The following POLR1D variants were observed in gnomAD, a reference collection of about 807,000 sequenced individuals.
The protein encoded by POLR1D is RNA polymerase I and III subunit D.
Under a neutral mutation model 10.8 loss-of-function variants are expected in POLR1D, and 8 were observed. That is an observed-to-expected ratio of 0.74 (90% confidence interval 0.43 to 1.33). POLR1D has a LOEUF of 1.33. Among genes scored for constraint, POLR1D ranks in the 40% most tolerant of loss-of-function variants. The pLI is 0.01. For synonymous variants in POLR1D, 54 were observed against 57.2 expected (o/e 0.94, Z 0.25); for missense variants, 152 against 161.7 (o/e 0.94, Z 0.32).
chr13:27,639,558 G>A (rs1956156807), intron 1 of POLR1D, among the ~76,000 whole-genome samples: 1 of 152,174 alleles, frequency 6.6e-6, no homozygotes. Context: ...TGTATTTTCT[G>A]TATCAGGATT....
chr13:27,644,805 T>C (rs558231463), intron 1 of POLR1D, among the ~76,000 whole-genome samples: 27 of 152,366 alleles, frequency 1.8e-4, no homozygotes, highest in African/African-American at 6.0e-4. Context: ...TTACAGTTTA[T>C]ACTTCTTTCA....
At position 27,623,268 on chromosome 13, in the gene POLR1D, AAGG is replaced by A. The variant is rs1955971727; in HGVS notation, c.*21_*23del. The A allele has an allele frequency of 3.1e-6, 5 of 1,612,998 alleles. No homozygotes were observed. In the African/African-American group the frequency reaches 5.3e-5, roughly 17 times the overall value. On this transcript the variant is annotated 3_prime_UTR_variant, in exon 2 of 2. Transcript: ENST00000302979. ...CATTCTAGTCCTTTATGCAGTATAC[AAGG>A]AGAACTGTCCTGTAGGATATTCTCT...
At chr13:27,655,288 G>A (rs142901507) in intron 2 of POLR1D, among the ~76,000 whole-genome samples, 1 of 152,298 alleles carries the variant, frequency 6.6e-6, no homozygotes, top group East Asian at 1.9e-4. Flanking sequence ...TGAACCATGT[G>A]AAAATTAATT....
At chr13:27,638,945 G>T (rs1047633011) in intron 1 of POLR1D, among the ~76,000 whole-genome samples, 1 of 151,684 alleles carries the variant, frequency 6.6e-6, no homozygotes, top group Non-Finnish European at 1.5e-5. Context: ...ATGTTGTAAT[G>T]TTTTCTTTTG....
downstream of POLR1D, among the ~76,000 whole-genome samples, chr13:27,625,835 G>A (rs908940323): frequency 4.6e-5 from 7 of 152,134 alleles, no homozygotes; most frequent in Non-Finnish European, 7.4e-5. Context: ...GTTTCAAATA[G>A]GGAATAGAAA....
downstream of POLR1D, among the ~76,000 whole-genome samples, chr13:27,627,091 C>A (rs1468143657): frequency 6.6e-6 from 1 of 152,144 alleles, no homozygotes; most frequent in Non-Finnish European, 1.5e-5. Context: ...TTTTGGTTAG[C>A]GTAATTTAGA....
At chr13:27,651,071 C>G (rs1402156099) in intron 2 of POLR1D, 1 of 152,152 alleles carries the variant, frequency 6.6e-6, no homozygotes, top group Non-Finnish European at 1.5e-5. Context: ...CCTTATACCA[C>G]AGAAAGATGC....
chr13:27,663,093 G>A lies in POLR1D; in HGVS notation c.102-2593G>A, dbSNP rs1400464407. Among the ~76,000 whole-genome samples the A allele has an allele frequency of 2.0e-5, 3 of 152,172 alleles. No homozygotes were observed. The highest frequency in any genetic ancestry group is 4.4e-5 in the Non-Finnish European group (3 of 68,026). ...CTCCCCACTGATTCCCTCAGACATT[G>A]GTTTTGATGTTGCCGTCCTTAGACT... On this transcript the variant is annotated intron_variant, in intron 2 of 2. Transcript: ENST00000399697. The surrounding 1 kb of genome is among the most constrained non-coding windows in gnomAD (Gnocchi z 4.1).
At chr13:27,647,448 C>T (rs1461110912) in intron 1 of POLR1D, among the ~76,000 whole-genome samples, 2 of 151,970 alleles carry the variant, frequency 1.3e-5, no homozygotes, top group African/African-American at 4.8e-5. Context: ...GTCTCAAACT[C>T]CTGGCTTCAG....
intron 2 of POLR1D, among the ~76,000 whole-genome samples, chr13:27,662,272 T>C (rs752563066): frequency 6.6e-6 from 1 of 152,198 alleles, no homozygotes; most frequent in Non-Finnish European, 1.5e-5. Context: ...ACCATCCTTT[T>C]TCTAAAACCT....
downstream of POLR1D, among the ~76,000 whole-genome samples, chr13:27,625,270 G>A (rs9507914): frequency 3.9e-5 from 6 of 152,098 alleles, no homozygotes; most frequent in African/African-American, 7.2e-5. Flanking sequence ...ATTACAGAGT[G>A]GGGGGAGATG....
intron 1 of POLR1D, among the ~76,000 whole-genome samples, chr13:27,628,774 T>C (rs1956043448): frequency 6.6e-6 from 1 of 152,184 alleles, no homozygotes; most frequent in African/African-American, 2.4e-5. Flanking sequence ...TTGTTTTCGA[T>C]TGGCTGATAC....
intron 2 of POLR1D, among the ~76,000 whole-genome samples, chr13:27,653,280 A>G (rs1378467995): frequency 6.6e-6 from 1 of 152,014 alleles, no homozygotes; most frequent in Non-Finnish European, 1.5e-5. Flanking sequence ...CAGAAATTTC[A>G]TCTTTTTTTT....
downstream of POLR1D, among the ~76,000 whole-genome samples, chr13:27,627,684 G>GAGCT (rs542484631): frequency 1.9e-4 from 28 of 150,474 alleles, 1 homozygote; most frequent in South Asian, 5.9e-3. Context: ...CAGTGTAAGA[G>GAGCT]AGCTGTTAAA....
At chr13:27,621,767 C>A, upstream of POLR1D, 2 of 390,304 alleles carry the variant, frequency 5.1e-6, no homozygotes, top group East Asian at 4.1e-5. Context: ...CGCGAGCCAC[C>A]GCTCACCCCG....
rs1955973633 is a variant in POLR1D at position 27,623,390 on chromosome 13, C to T, written c.*140C>T. 6.7e-7 allele frequency: 1 copy of T among 1,490,930 alleles called. No individual in the cohort carries two copies. The highest frequency in any genetic ancestry group is 2.3e-5 in the Admixed American group (1 of 43,470). The allele number at this position is 1,490,930 out of a possible 1,614,324, so 92.4% of individuals were successfully genotyped here. A position where few individuals can be genotyped will look rare whatever the true frequency, so the allele number is the denominator to read the frequency against. ...GATTCTAGCTGTTGACCCCTTGCAGCTGTTGGAATCTCTGCAAGAACCTCT... is the reference window on the plus strand; with the variant it reads ...GATTCTAGCTGTTGACCCCTTGCAGTTGTTGGAATCTCTGCAAGAACCTCT... On this transcript the variant is annotated 3_prime_UTR_variant, in exon 2 of 2. Coordinates refer to ENST00000302979, the MANE Select transcript of POLR1D (RefSeq NM_015972.4).
chr13:27,632,910 TG>T (rs1390838126), intron 1 of POLR1D, among the ~76,000 whole-genome samples: 3 of 152,220 alleles, frequency 2.0e-5, no homozygotes, highest in Admixed American at 2.0e-4. Flanking sequence ...AGATTGACTC[TG>T]TATTGTTTTT....
intron 1 of POLR1D, among the ~76,000 whole-genome samples, chr13:27,643,681 G>T (rs1956195538): frequency 6.6e-6 from 1 of 152,046 alleles, no homozygotes; most frequent in African/African-American, 2.4e-5. Flanking sequence ...TTCTCTCTAA[G>T]CTTTATCATT....
intron 1 of POLR1D, among the ~76,000 whole-genome samples, chr13:27,635,696 CTATATATATA>C (rs3081355): frequency 0.13 from 18,199 of 140,508 alleles, 1,240 homozygotes; most frequent in East Asian, 0.26. Context: ...TACAAAGTAA[CTATATATATA>C]TATATATATA....
Sources: allele counts gnomAD v4.1 joint callset (sites outside exome capture counted in the v4.1 genomes callset), GRCh38; gene constraint gnomAD v4.1.1; non-coding constraint Gnocchi (gnomAD v3.1); transcripts MANE v1.5; gene names NCBI Gene and HGNC (gene_info 2026-07-23, HGNC 2026-07-21).